The following ESRRB variants were observed in gnomAD, a reference collection of about 807,000 sequenced individuals.
ESRRB encodes the protein estrogen related receptor beta.
In ESRRB, 16 loss-of-function variants were observed where a neutral mutation model predicts 46.0. That is an observed-to-expected ratio of 0.35 (90% CI 0.24 to 0.53). ESRRB has a LOEUF of 0.53. Among genes scored for constraint, ESRRB ranks in the 20% least tolerant of loss-of-function variants. The pLI, the probability that ESRRB is intolerant of heterozygous loss-of-function variation, is 0.93. For missense variants in ESRRB, 488 were observed against 607.4 expected, an observed-to-expected ratio of 0.80 and a Z score of 2.07; for synonymous variants, 246 against 259.6, an observed-to-expected ratio of 0.95 and a Z score of 0.50.
intron 2 of ESRRB, among the ~76,000 whole-genome samples, chr14:76,453,354 G>A (rs1044968894): frequency 3.9e-5 from 6 of 152,128 alleles, no homozygotes; most frequent in Non-Finnish European, 7.3e-5. Flanking sequence ...GCACTCAAAC[G>A]CACCTCAAAA....
At chr14:76,367,813 C>T (rs1884541561), upstream of ESRRB, among the ~76,000 whole-genome samples, 1 of 152,166 alleles carries the variant, frequency 6.6e-6, no homozygotes. Flanking sequence ...AGTGTTTGCC[C>T]TTCCATGGGC....
chr14:76,371,521 G>A (rs999444866), upstream of ESRRB: 1 of 152,360 alleles, frequency 6.6e-6, no homozygotes, highest in African/African-American at 2.4e-5. Context: ...TGGGGTGGAA[G>A]AGAAATGAGC....
chr14:76,357,299 GC>G (rs1397943890), intron 1 of ESRRB, among the ~76,000 whole-genome samples: 1 of 152,304 alleles, frequency 6.6e-6, no homozygotes, highest in East Asian at 1.9e-4. Flanking sequence ...ATAATAAAGA[GC>G]CCTAATAAAA....
rs1890594318 is a variant in ESRRB, at chr14:76,499,888, C to CA, written c.*1430_*1431insA. 6.2e-7 allele frequency: 1 copy of CA among 1,614,102 alleles called. No individual in the cohort carries two copies. The highest frequency in any genetic ancestry group is 1.7e-5 in the Admixed American group (1 of 60,010). On this transcript the variant is annotated 3_prime_UTR_variant, in exon 7 of 7. Transcript: ENST00000644823. ...GTTGGCCAAGAGCAGCTTAGAGGAT[C>CA]TCCCAAGGATGAAAGAATGTCAAGC... is the stretch of plus-strand genomic sequence containing the variant.
At chr14:76,359,784 T>C (rs1231608440) in intron 1 of ESRRB, among the ~76,000 whole-genome samples, 1 of 151,570 alleles carries the variant, frequency 6.6e-6, no homozygotes, top group Non-Finnish European at 1.5e-5. Flanking sequence ...AAGGTAAGCA[T>C]GAGAAGGGAG....
chr14:76,435,889 T>C (rs1887652890), intron 1 of ESRRB, among the ~76,000 whole-genome samples: 1 of 152,066 alleles, frequency 6.6e-6, no homozygotes, highest in Non-Finnish European at 1.5e-5. Flanking sequence ...AGGACTAAAA[T>C]TACTAGATCC....
chr14:76,488,813 C>T (rs1307410938), intron 5 of ESRRB, among the ~76,000 whole-genome samples: 1 of 152,144 alleles, frequency 6.6e-6, no homozygotes, highest in Non-Finnish European at 1.5e-5. Context: ...CTTGTTTGGC[C>T]CACCTTCCCC....
At chr14:76,489,822 G>A (rs866946872) in intron 5 of ESRRB, among the ~76,000 whole-genome samples, 1 of 152,152 alleles carries the variant, frequency 6.6e-6, no homozygotes, top group Non-Finnish European at 1.5e-5. Context: ...AAAGAGCTGG[G>A]TGGTCCAGAA....
chr14:76,374,400 GA>G (rs1884696125), upstream of ESRRB, among the ~76,000 whole-genome samples: 1 of 152,210 alleles, frequency 6.6e-6, no homozygotes, highest in Admixed American at 6.5e-5. Context: ...CAGATGTAAA[GA>G]CTGGGGCCCA....
intron 1 of ESRRB, among the ~76,000 whole-genome samples, chr14:76,382,712 T>A (rs1232031830): frequency 6.6e-6 from 1 of 152,204 alleles, no homozygotes. Context: ...AATTCAGAAT[T>A]GTCTGAGTTT....
chr14:76,402,413 G>A (rs1266417864), intron 1 of ESRRB, among the ~76,000 whole-genome samples: 3 of 152,174 alleles, frequency 2.0e-5, no homozygotes, highest in Non-Finnish European at 2.9e-5. Context: ...GTTCACTCAA[G>A]TGTTTTCCTT....
intron 1 of ESRRB, among the ~76,000 whole-genome samples, chr14:76,430,016 C>T (rs1485734589): frequency 6.6e-6 from 1 of 152,026 alleles, no homozygotes; most frequent in African/African-American, 2.4e-5. Context: ...CCCTTCCTTC[C>T]TTTCTTCCTT....
Position 76,356,593 on chromosome 14 carries a change from T to A in ESRRB, c.2+45677T>A, listed in dbSNP as rs533990973. ...CCATGGCCATGTGGCCCCACCAACC[T>A]CACGTGACCCCACTGACCTCACATG... On this transcript the variant is annotated intron_variant, in intron 1 of 6. Coordinates refer to the ESRRB transcript ENST00000512784. Among the ~76,000 whole-genome samples, 228 of 152,102 alleles carry A rather than the reference T, an allele frequency of 1.5e-3. 2 individuals are homozygous for A. The highest frequency in any genetic ancestry group is 2.7e-3 in the Non-Finnish European group (181 of 68,012).
chr14:76,312,166 G>A (rs1883745967), intron 1 of ESRRB, among the ~76,000 whole-genome samples: 1 of 151,482 alleles, frequency 6.6e-6, no homozygotes, highest in African/African-American at 2.4e-5. Flanking sequence ...CAATTTAAAA[G>A]CATTAAACAA....
rs147348934 is a variant in ESRRB at position 76,461,478 on chromosome 14, C to CTTTTGTTTTG, written c.461-1028_461-1019dup. On this transcript the variant is annotated intron_variant, in intron 2 of 6. Transcript: ENST00000644823. ...ATGGGTTGGGTTTATGGTAGCCATT[C>CTTTTGTTTTG]TTTTGTTTTGTTTTGTTTTGTTTTG... Among the ~76,000 whole-genome samples the CTTTTGTTTTG allele has an allele frequency of 9.5e-3, 1,434 of 150,416 alleles. 19 individuals carry two copies. The highest frequency in any genetic ancestry group is 0.046 in the East Asian group (233 of 5,048).
At chr14:76,443,740 C>T (rs1888014894) in intron 2 of ESRRB, among the ~76,000 whole-genome samples, 2 of 152,184 alleles carry the variant, frequency 1.3e-5, no homozygotes, top group African/African-American at 4.8e-5. Flanking sequence ...AGAAATCCTA[C>T]TGCATGCTTG....
intron 1 of ESRRB, among the ~76,000 whole-genome samples, chr14:76,429,768 AAAAAT>A (rs1407403225): frequency 1.3e-5 from 2 of 152,136 alleles, no homozygotes; most frequent in Admixed American, 6.5e-5. Context: ...TAATAAAAAT[AAAAAT>A]AAAATAAAAT....
chr14:76,315,222 G>C (rs892137840), intron 1 of ESRRB, among the ~76,000 whole-genome samples: 1 of 152,018 alleles, frequency 6.6e-6, no homozygotes, highest in South Asian at 2.1e-4. Context: ...TTTTCCTGGG[G>C]CTTTCGAGGT....
At position 76,376,577 on chromosome 14, in the gene ESRRB, G is replaced by C. The variant is rs1033667261; in HGVS notation, c.50+126G>C. ...GAAGGGACTTCGGGGGGGCACTTGG[G>C]GGACGAAGGAGGGGAAAAGCCGCAC... is the stretch of plus-strand genomic sequence containing the variant. On this transcript the variant is annotated intron_variant, in intron 1 of 6. Coordinates refer to ENST00000644823, the MANE Select transcript of ESRRB (RefSeq NM_001379180.1). The surrounding 1 kb of genome is among the most constrained non-coding windows in gnomAD (Gnocchi z 4.1). The C allele has an allele frequency of 3.2e-6, 2 of 617,424 alleles. No individual in the cohort carries two copies. The highest frequency in any genetic ancestry group is 4.7e-6 in the Non-Finnish European group (2 of 426,698). 38.2% of individuals were successfully genotyped at this position (617,424 alleles called of 1,614,324 possible).
Sources: gnomAD v4.1 joint callset for allele counts (sites outside exome capture counted in the v4.1 genomes callset) on GRCh38, gnomAD v4.1.1 for gene constraint, Gnocchi (gnomAD v3.1) non-coding constraint, MANE v1.5 for transcripts, NCBI Gene and HGNC (gene_info 2026-07-23, HGNC 2026-07-21) for gene names.